Variants in TENM4 observed in about 807,000 individuals in gnomAD.
The protein encoded by TENM4 is teneurin transmembrane protein 4, also known as teneurin-4.
TENM4 carries 82 observed loss-of-function variants against 243.3 expected under a neutral mutation model. The ratio of observed to expected loss-of-function variants is 0.34; its 90% confidence interval spans 0.28 to 0.40. The LOEUF (loss-of-function observed/expected upper bound fraction) is 0.40, where lower values mean the gene tolerates loss of function less well. Ranked by LOEUF, TENM4 falls within the 10% of genes least tolerant of loss-of-function variation. TENM4 has a pLI of 1.00. For synonymous variants in TENM4, 1,412 were observed against 1,456.3 expected (o/e 0.97, Z 0.69); for missense variants, 3,138 against 3,673.3 (o/e 0.85, Z 3.77).
chr11:78,683,722 A>C (rs1331866894), intron 29 of TENM4, among the ~76,000 whole-genome samples: 5 of 150,526 alleles, frequency 3.3e-5, no homozygotes, highest in Non-Finnish European at 5.9e-5. Context: ...ATGGAAATGC[A>C]GAAATCACCC....
At chr11:78,926,462 CGGGGTTT>C (rs1349356978) in intron 6 of TENM4, among the ~76,000 whole-genome samples, 3 of 151,784 alleles carry the variant, frequency 2.0e-5, no homozygotes, top group African/African-American at 7.3e-5. Context: ...TTAGTAGAAA[CGGGGTTT>C]CACCATATTG....
Position 79,137,972 on chromosome 11 carries a change from G to C in TENM4, c.-66+10738C>G, listed in dbSNP as rs1024770330. 8.6e-5 allele frequency among the ~76,000 whole-genome samples: 13 copies of C among 152,042 alleles called. No homozygotes were observed. The East Asian group carries it at 2.5e-3, about 29-fold the overall frequency. ...ACTTGATTGGATTGAAGGATACAAA[G>C]TACTGATCCTGGGTGTGTGTGTGAG... On this transcript the variant is annotated intron_variant, in intron 4 of 33. Transcript: ENST00000278550.
intron 6 of TENM4, among the ~76,000 whole-genome samples, chr11:78,981,834 C>G (rs186407059): frequency 2.0e-5 from 3 of 152,188 alleles, no homozygotes; most frequent in Non-Finnish European, 4.4e-5. Flanking sequence ...CCACTGCTTT[C>G]GTTTCCACCC....
At chr11:79,091,767 T>A (rs1860958919) in intron 4 of TENM4, among the ~76,000 whole-genome samples, 1 of 152,092 alleles carries the variant, frequency 6.6e-6, no homozygotes, top group Admixed American at 6.6e-5. Flanking sequence ...TGATGTGACC[T>A]CTCCTATTTC....
At chr11:78,927,080 T>C (rs1446539352) in intron 6 of TENM4, among the ~76,000 whole-genome samples, 5 of 152,240 alleles carry the variant, frequency 3.3e-5, no homozygotes, top group Admixed American at 2.0e-4. Flanking sequence ...TTGTAGTCCA[T>C]GTATGAGCAT....
intron 4 of TENM4, among the ~76,000 whole-genome samples, chr11:79,116,412 A>G (rs865970962): frequency 2.0e-5 from 3 of 152,230 alleles, no homozygotes; most frequent in Non-Finnish European, 4.4e-5. Context: ...TTAACCACTG[A>G]CAGATGCCAA....
At chr11:79,152,200 G>T (rs1034052623) in intron 3 of TENM4, among the ~76,000 whole-genome samples, 1 of 152,130 alleles carries the variant, frequency 6.6e-6, no homozygotes, top group African/African-American at 2.4e-5. Context: ...TTAATATGTT[G>T]GTGTGGTGGC....
chr11:78,719,755 G>A (rs1859602995), intron 25 of TENM4, among the ~76,000 whole-genome samples: 1 of 152,204 alleles, frequency 6.6e-6, no homozygotes, highest in African/African-American at 2.4e-5. Flanking sequence ...ACTTCTCTTG[G>A]TGTGCCTGAC....
intron 6 of TENM4, among the ~76,000 whole-genome samples, chr11:78,917,291 C>T (rs1342204369): frequency 6.6e-6 from 1 of 152,174 alleles, no homozygotes; most frequent in Non-Finnish European, 1.5e-5. Flanking sequence ...ATGCAAACGC[C>T]TCTACCTTCA....
In TENM4 at chr11:78,901,161, G is replaced by A. The variant is rs144410511; in HGVS notation, c.749+2107C>T. 5.8e-3 allele frequency among the ~76,000 whole-genome samples: 882 copies of A among 152,012 alleles called. 10 individuals are homozygous for A. Among genetic ancestry groups the A allele is most frequent in the Non-Finnish European group, 6.4e-3 (437 of 68,004 alleles). On this transcript the variant is annotated intron_variant, in intron 7 of 33. Transcript: ENST00000278550. ...GCACATACATGCATATACATACACT[G>A]AATATTAAATATATATGATATATAT...
chr11:79,224,952 A>G (rs2135247016), intron 2 of TENM4, among the ~76,000 whole-genome samples: 1 of 150,240 alleles, frequency 6.7e-6, no homozygotes, highest in Middle Eastern at 3.4e-3. Context: ...ACTCTGTCTA[A>G]AAAAAAAAGG....
At chr11:78,667,623 T>C (rs1858188625) in intron 32 of TENM4, among the ~76,000 whole-genome samples, 1 of 152,278 alleles carries the variant, frequency 6.6e-6, no homozygotes, top group Middle Eastern at 3.4e-3. Context: ...ACCTTTGTCA[T>C]GGTCCTCCCC....
At chr11:79,050,805 G>A (rs1462827316) in intron 6 of TENM4, among the ~76,000 whole-genome samples, 1 of 152,194 alleles carries the variant, frequency 6.6e-6, no homozygotes, top group Non-Finnish European at 1.5e-5. Context: ...ATTTATTTGA[G>A]GGAGAGTTTC....
intron 4 of TENM4, among the ~76,000 whole-genome samples, chr11:79,095,185 G>A (rs757856863): frequency 2.4e-4 from 37 of 152,294 alleles, no homozygotes; most frequent in South Asian, 1.7e-3. Context: ...TAGCCCTAGA[G>A]CCAGCCTTCA....
intron 26 of TENM4, among the ~76,000 whole-genome samples, chr11:78,709,241 A>G: frequency 6.6e-6 from 1 of 151,780 alleles, no homozygotes. Context: ...CTAGGATTAC[A>G]GGCGTGAGCC....
At chr11:78,769,133 C>G (rs531357942) in intron 18 of TENM4, among the ~76,000 whole-genome samples, 1 of 152,316 alleles carries the variant, frequency 6.6e-6, no homozygotes, top group East Asian at 1.9e-4. Flanking sequence ...CTCTTCTTTT[C>G]TTCTATTACA....
chr11:78,977,520 G>A (rs1472210167), intron 6 of TENM4, among the ~76,000 whole-genome samples: 1 of 152,212 alleles, frequency 6.6e-6, no homozygotes, highest in Non-Finnish European at 1.5e-5. Flanking sequence ...TCTGACTCCA[G>A]AGCCCATTTT....
chr11:78,888,265 G>T (rs1855588104), intron 9 of TENM4, among the ~76,000 whole-genome samples: 1 of 152,176 alleles, frequency 6.6e-6, no homozygotes, highest in African/African-American at 2.4e-5. Context: ...CTTACATTGA[G>T]CCTAAATATA....
chr11:78,835,992 A>G (rs1180038596), intron 12 of TENM4, among the ~76,000 whole-genome samples: 2 of 152,244 alleles, frequency 1.3e-5, no homozygotes, highest in African/African-American at 2.4e-5. Context: ...ACATGAATGA[A>G]TGAAACGAGA....
Sources: gnomAD v4.1 joint callset for allele counts (sites outside exome capture counted in the v4.1 genomes callset) on GRCh38, gnomAD v4.1.1 for gene constraint, MANE v1.5 for transcripts, NCBI Gene and HGNC (gene_info 2026-07-23, HGNC 2026-07-21) for gene names.